Variants in TEX26 observed in about 807,000 individuals in gnomAD.
TEX26 encodes testis expressed 26.
In TEX26, 34 loss-of-function variants were observed where a neutral mutation model predicts 35.3. That is an observed-to-expected ratio of 0.96 (90% confidence interval 0.73 to 1.28). The LOEUF (loss-of-function observed/expected upper bound fraction) is 1.28. TEX26 is among the 50% of genes most tolerant of loss of function. The pLI is 0.00. For missense variants in TEX26, 371 were observed against 330.1 expected (o/e 1.12, Z -0.96); for synonymous variants, 136 against 111.8 (o/e 1.22, Z -1.36).
intron 2 of TEX26, among the ~76,000 whole-genome samples, chr13:30,951,321 ACTC>A (rs1401758725): frequency 6.7e-6 from 1 of 149,678 alleles, no homozygotes; most frequent in Non-Finnish European, 1.5e-5. Flanking sequence ...GTACCACTGC[ACTC>A]CAGCCTAGGC....
chr13:30,950,211 G>C (rs1021264891), intron 2 of TEX26, among the ~76,000 whole-genome samples: 1 of 152,176 alleles, frequency 6.6e-6, no homozygotes, highest in East Asian at 1.9e-4. Context: ...TTCAAGACCA[G>C]CCTGACCAAT....
chr13:30,957,923 G>A (rs978486115), intron 4 of TEX26, among the ~76,000 whole-genome samples: 1 of 152,226 alleles, frequency 6.6e-6, no homozygotes, highest in Admixed American at 6.5e-5. Flanking sequence ...CTTGTGGATG[G>A]GATGCTGGTG....
At chr13:30,964,667 A>G (rs990934537) in intron 4 of TEX26, among the ~76,000 whole-genome samples, 3 of 152,184 alleles carry the variant, frequency 2.0e-5, no homozygotes, top group African/African-American at 7.2e-5. Context: ...CTATGATGAA[A>G]TAAATTTATT....
chr13:30,938,804 C>T (rs774479988), intron 1 of TEX26, among the ~76,000 whole-genome samples: 22 of 152,174 alleles, frequency 1.4e-4, no homozygotes, highest in Admixed American at 5.2e-4. Flanking sequence ...TCTTCATCAC[C>T]TCTCTAACAG....
intron 2 of TEX26, among the ~76,000 whole-genome samples, chr13:30,944,672 T>A (rs528938702): frequency 5.3e-5 from 8 of 152,142 alleles, no homozygotes; most frequent in African/African-American, 9.6e-5. Context: ...AAGGGCTTTT[T>A]AATTTCCATC....
chr13:30,950,004 A>T (rs1953860102), intron 2 of TEX26, among the ~76,000 whole-genome samples: 1 of 152,236 alleles, frequency 6.6e-6, no homozygotes, highest in Admixed American at 6.5e-5. Context: ...AAATGATTGG[A>T]TTCAGAATAA....
chr13:30,939,332 A>G (rs1030671864), intron 1 of TEX26, among the ~76,000 whole-genome samples: 1 of 152,210 alleles, frequency 6.6e-6, no homozygotes, highest in Non-Finnish European at 1.5e-5. Context: ...GTCTATAGGT[A>G]CATCTAATAT....
At chr13:30,962,393 G>A (rs189495198) in intron 4 of TEX26, among the ~76,000 whole-genome samples, 94 of 152,230 alleles carry the variant, frequency 6.2e-4, no homozygotes, top group African/African-American at 2.1e-3. Context: ...CATGCCTCGT[G>A]GCCTTGTGCT....
chr13:30,940,731 T>C (rs1401733775), intron 2 of TEX26, among the ~76,000 whole-genome samples: 1 of 152,072 alleles, frequency 6.6e-6, no homozygotes, highest in African/African-American at 2.4e-5. Flanking sequence ...AGTGAGAATC[T>C]TTTCACCTTA....
intron 2 of TEX26, among the ~76,000 whole-genome samples, chr13:30,942,075 A>C (rs1307416217): frequency 6.6e-6 from 1 of 152,220 alleles, no homozygotes; most frequent in Non-Finnish European, 1.5e-5. Flanking sequence ...TAGTTCCTTA[A>C]GAAATATTCA....
At chr13:30,964,087 C>T (rs749856956) in intron 4 of TEX26, among the ~76,000 whole-genome samples, 11 of 152,198 alleles carry the variant, frequency 7.2e-5, no homozygotes, top group Non-Finnish European at 1.3e-4. Context: ...TGTCAAAGCT[C>T]CTTACTGTGA....
At chr13:30,952,335 G>A (rs1377706316) in intron 2 of TEX26, among the ~76,000 whole-genome samples, 1 of 151,934 alleles carries the variant, frequency 6.6e-6, no homozygotes. Flanking sequence ...ATAGAGAGAA[G>A]CTTTTCTTCA....
rs10523710 is a variant in TEX26 at position 30,966,432 on chromosome 13, C to CTTTTT, written c.646+52_646+56dup. 410 of 997,388 alleles carry CTTTTT rather than the reference C, an allele frequency of 4.1e-4. 5 individuals are homozygous for CTTTTT. In the African/African-American group the frequency reaches 7.0e-3, roughly 17 times the overall value. 61.8% of individuals were successfully genotyped at this position (997,388 alleles called of 1,614,324 possible). ...AGCTGCAGTTTCTTTTTCTTTTTCT[C>CTTTTT]TTTTTTTTTTTTTTTTTTTTTTGAG... On this transcript the variant is annotated intron_variant, in intron 5 of 6. Coordinates refer to ENST00000380473, the MANE Select transcript of TEX26 (RefSeq NM_152325.3).
chr13:30,945,054 A>G (rs1310376599), intron 2 of TEX26, among the ~76,000 whole-genome samples: 1 of 151,850 alleles, frequency 6.6e-6, no homozygotes, highest in East Asian at 1.9e-4. Context: ...TGGAGTCCCC[A>G]ACTATTATTG....
In TEX26 at chr13:30,938,537, C is replaced by T. The variant is rs542451140; in HGVS notation, c.62-1157C>T. Reference sequence around the variant, plus strand: ...CTCTCATCCTCTTTTTATAAAGCCACCAGTCCCATCAAGGGGACCCCTCTC... The same window carrying T: ...CTCTCATCCTCTTTTTATAAAGCCATCAGTCCCATCAAGGGGACCCCTCTC... On this transcript the variant is annotated intron_variant, in intron 1 of 6. Coordinates refer to ENST00000380473, the MANE Select transcript of TEX26 (RefSeq NM_152325.3). Among the ~76,000 whole-genome samples, 43 of 152,206 alleles carry T rather than the reference C, an allele frequency of 2.8e-4. 3 individuals are homozygous for T. The South Asian group carries it at 6.9e-3, about 24-fold the overall frequency.
chr13:30,941,136 G>A (rs1953491173), intron 2 of TEX26, among the ~76,000 whole-genome samples: 1 of 152,290 alleles, frequency 6.6e-6, no homozygotes, highest in South Asian at 2.1e-4. Context: ...TGGGGACAAT[G>A]ATACCTGCCT....
At chr13:30,954,876 C>G (rs1954068874) in intron 3 of TEX26, among the ~76,000 whole-genome samples, 1 of 152,208 alleles carries the variant, frequency 6.6e-6, no homozygotes, top group South Asian at 2.1e-4. Context: ...TTCCCTTCCT[C>G]TAAGTACTAT....
chr13:30,944,136 C>T (rs146360816), intron 2 of TEX26, among the ~76,000 whole-genome samples: 6 of 151,796 alleles, frequency 4.0e-5, no homozygotes, highest in African/African-American at 7.2e-5. Context: ...AATCTTACTG[C>T]GTGTTATTGG....
chr13:30,938,799 A>C (rs1267620699), intron 1 of TEX26, among the ~76,000 whole-genome samples: 1 of 152,038 alleles, frequency 6.6e-6, no homozygotes, highest in African/African-American at 2.4e-5. Context: ...TGGTTTCTTC[A>C]TCACCTCTCT....
Sources: allele counts gnomAD v4.1 joint callset (sites outside exome capture counted in the v4.1 genomes callset), GRCh38; gene constraint gnomAD v4.1.1; transcripts MANE v1.5; gene names NCBI Gene and HGNC (gene_info 2026-07-23, HGNC 2026-07-21).